NTSR1: variants seen among roughly 807,000 people sequenced by gnomAD.
The protein encoded by NTSR1 is neurotensin receptor 1.
NTSR1 carries 29 observed loss-of-function variants against 31.2 expected under a neutral mutation model. The observed-to-expected ratio is 0.93, with a 90% confidence interval of 0.69 to 1.27. NTSR1 has a LOEUF of 1.27. Among genes scored for constraint, NTSR1 ranks in the 50% most tolerant of loss-of-function variants. The probability of loss-of-function intolerance (pLI) is 0.00; values close to 1 mark genes in which losing one functional copy is unlikely to be tolerated. For synonymous variants in NTSR1, 282 were observed against 269.9 expected, an observed-to-expected ratio of 1.04 and a Z score of -0.44; for missense variants, 697 against 595.4, an observed-to-expected ratio of 1.17 and a Z score of -1.78.
Position 62,711,698 on chromosome 20 carries a change from G to A in NTSR1, c.714+1777G>A, listed in dbSNP as rs989040881. ...AAACAGCCGAAAAGCACAGGGGCGTGAGGACAGCTCGGCTCCGCCCCCCGG... is the reference window on the plus strand; with the variant it reads ...AAACAGCCGAAAAGCACAGGGGCGTAAGGACAGCTCGGCTCCGCCCCCCGG... On this transcript the variant is annotated intron_variant, in intron 1 of 3. Coordinates refer to ENST00000370501, the MANE Select transcript of NTSR1 (RefSeq NM_002531.3). This position sits in a 1 kb window ranked among gnomAD's most constrained non-coding sequence, Gnocchi z 6.4. 6.6e-6 allele frequency among the ~76,000 whole-genome samples: 1 copy of A among 152,126 alleles called. No homozygotes were observed. The highest frequency in any genetic ancestry group is 2.4e-5 in the African/African-American group (1 of 41,424).
chr20:62,741,562 G>A lies in NTSR1; in HGVS notation c.715-13123G>A, dbSNP rs889290884. ...CCACCCCATGTCTGTGCGCCCCTTCGAGCATGCCTGGGCATTGTCCATGGT... is the reference window on the plus strand; with the variant it reads ...CCACCCCATGTCTGTGCGCCCCTTCAAGCATGCCTGGGCATTGTCCATGGT... On this transcript the variant is annotated intron_variant, in intron 1 of 3. Coordinates refer to ENST00000370501, the MANE Select transcript of NTSR1 (RefSeq NM_002531.3). The surrounding 1 kb of genome is among the most constrained non-coding windows in gnomAD (Gnocchi z 4.3). 2.0e-5 allele frequency among the ~76,000 whole-genome samples: 3 copies of A among 149,526 alleles called. No homozygotes were observed. Among genetic ancestry groups the A allele is most frequent in the African/African-American group, 7.5e-5 (3 of 40,044 alleles).
intron 1 of NTSR1, among the ~76,000 whole-genome samples, chr20:62,734,229 C>T (rs1005414198): frequency 5.3e-5 from 8 of 150,372 alleles, no homozygotes; most frequent in Non-Finnish European, 8.9e-5. Flanking sequence ...GCGTGAGGGG[C>T]GGGCGGAGGC....
intron 1 of NTSR1, among the ~76,000 whole-genome samples, chr20:62,725,512 G>A (rs1343881348): frequency 6.6e-6 from 1 of 152,198 alleles, no homozygotes; most frequent in African/African-American, 2.4e-5. Context: ...CTTGCTCCCT[G>A]GGGGATAAGG....
intron 1 of NTSR1, among the ~76,000 whole-genome samples, chr20:62,740,074 G>A (rs777564365): frequency 8.5e-5 from 13 of 152,236 alleles, no homozygotes; most frequent in Non-Finnish European, 1.3e-4. Flanking sequence ...CAGGGCTTGC[G>A]TTTGCAGGTC....
At chr20:62,725,717 A>G (rs1988894921) in intron 1 of NTSR1, among the ~76,000 whole-genome samples, 1 of 152,144 alleles carries the variant, frequency 6.6e-6, no homozygotes. Context: ...CCGCCGCCTC[A>G]GCTCTGAGTG....
At chr20:62,717,099 C>T (rs1988743014) in intron 1 of NTSR1, among the ~76,000 whole-genome samples, 1 of 152,230 alleles carries the variant, frequency 6.6e-6, no homozygotes, top group Non-Finnish European at 1.5e-5. Flanking sequence ...AAGGCGCCTG[C>T]CCCACCCTGG....
intron 2 of NTSR1, chr20:62,756,806 C>T (rs1989521502): frequency 6.6e-6 from 1 of 152,194 alleles, no homozygotes; most frequent in Non-Finnish European, 1.5e-5. Flanking sequence ...GGTGGCATCT[C>T]GTTGTGGTTT....
Position 62,760,395 on chromosome 20 carries a change from G to C in NTSR1, c.*128G>C. ...AGGCCAGCCTGCACTGGAGTCTGAGGCCTGGGACCCCCCCCTCCCACCCCC... is the reference window on the plus strand; with the variant it reads ...AGGCCAGCCTGCACTGGAGTCTGAGCCCTGGGACCCCCCCCTCCCACCCCC... On this transcript the variant is annotated 3_prime_UTR_variant, in exon 4 of 4. Transcript: ENST00000370501. 9.5e-7 allele frequency: 1 copy of C among 1,050,600 alleles called. No individual in the cohort carries two copies. Among genetic ancestry groups the C allele is most frequent in the Admixed American group, 2.8e-5 (1 of 35,288 alleles). The allele number at this position is 1,050,600 out of a possible 1,614,324, so 65.1% of individuals were successfully genotyped here. A position where few individuals can be genotyped will look rare whatever the true frequency, so the allele number is the denominator to read the frequency against.
At chr20:62,730,904 T>C (rs1429628780) in intron 1 of NTSR1, among the ~76,000 whole-genome samples, 1 of 152,248 alleles carries the variant, frequency 6.6e-6, no homozygotes, top group Non-Finnish European at 1.5e-5. Context: ...TCTATTCAGA[T>C]GTTTTGCCCA....
chr20:62,728,328 CCT>C (rs895677942), intron 1 of NTSR1, among the ~76,000 whole-genome samples: 2 of 152,126 alleles, frequency 1.3e-5, no homozygotes, highest in African/African-American at 2.4e-5. Flanking sequence ...TCCATGAAGC[CCT>C]GTTTCCCCAT....
intron 1 of NTSR1, among the ~76,000 whole-genome samples, chr20:62,730,046 A>G (rs565487665): frequency 7.2e-5 from 11 of 152,078 alleles, no homozygotes; most frequent in Non-Finnish European, 1.0e-4. Context: ...TCTCCCTGTT[A>G]TTAACATTTT....
chr20:62,709,088 C>T lies in NTSR1; in HGVS notation c.-120C>T. 2.4e-6 allele frequency: 2 copies of T among 822,702 alleles called. No individual in the cohort carries two copies. The highest frequency in any genetic ancestry group is 5.4e-5 in the South Asian group (2 of 36,840). 51.0% of individuals were successfully genotyped at this position (822,702 alleles called of 1,614,324 possible). On this transcript the variant is annotated 5_prime_UTR_variant, in exon 1 of 4. Coordinates refer to ENST00000370501, the MANE Select transcript of NTSR1 (RefSeq NM_002531.3). ...CCGACTGGACGGCGCGCCCGCTGGT[C>T]TTCGCCACGCGCCCTCCCCTGGGCT...
intron 1 of NTSR1, among the ~76,000 whole-genome samples, chr20:62,753,446 C>T (rs1042225168): frequency 1.3e-5 from 2 of 152,218 alleles, no homozygotes; most frequent in African/African-American, 4.8e-5. Context: ...CAGCCCAGCC[C>T]AGGGAATCCC....
chr20:62,750,800 A>G (rs1181881491), intron 1 of NTSR1, among the ~76,000 whole-genome samples: 2 of 152,030 alleles, frequency 1.3e-5, no homozygotes, highest in African/African-American at 4.8e-5. Context: ...GAGGTGACGG[A>G]TGTTTCATTA....
In NTSR1 at chr20:62,713,077, A is replaced by G. The variant is rs527318280; in HGVS notation, c.714+3156A>G. On this transcript the variant is annotated intron_variant, in intron 1 of 3. Coordinates refer to ENST00000370501, the MANE Select transcript of NTSR1 (RefSeq NM_002531.3). ...CAGTTTTAGAGACCCGCCCCTGACT[A>G]TGGCCACACACGAAAGCAAACCCTC... 2.6e-5 allele frequency among the ~76,000 whole-genome samples: 4 copies of G among 152,248 alleles called. No individual in the cohort carries two copies. The East Asian group carries it at 7.7e-4, about 29-fold the overall frequency.
At position 62,715,615 on chromosome 20, in the gene NTSR1, A is replaced by G. The variant is rs145641022; in HGVS notation, c.714+5694A>G. Among the ~76,000 whole-genome samples the G allele has an allele frequency of 9.2e-3, 1,407 of 152,348 alleles. 21 individuals are homozygous for G. The highest frequency in any genetic ancestry group is 0.032 in the African/African-American group (1,335 of 41,582). On this transcript the variant is annotated intron_variant, in intron 1 of 3. Coordinates refer to ENST00000370501, the MANE Select transcript of NTSR1 (RefSeq NM_002531.3). This position sits in a 1 kb window ranked among gnomAD's most constrained non-coding sequence, Gnocchi z 4.7. The stretch of plus-strand genomic sequence containing the variant: ...CAGGCTCACCTGTTCACAGCTCTGC[A>G]TTGTGACCCGGGGTCAGCTCTCCCG...
chr20:62,738,725 G>C (rs539393655), intron 1 of NTSR1, among the ~76,000 whole-genome samples: 1 of 152,352 alleles, frequency 6.6e-6, no homozygotes, highest in African/African-American at 2.4e-5. Context: ...GCTGGAGGCT[G>C]GGAACACGTC....
In NTSR1 at chr20:62,754,690, C is replaced by T; in HGVS notation, c.720C>T (p.Asn240=). The change falls in exon 2 of 4, where the codon AAC becomes AAT. Residue 240 remains asparagine (N), a synonymous_variant. Coordinates refer to ENST00000370501, the MANE Select transcript of NTSR1 (RefSeq NM_002531.3). The part of the protein sequence containing the change: ...TATVKVVIQV[N]TFMSFIFPMV... The stretch of plus-strand genomic sequence containing the variant: ...TCGCCCTTCCTCTCCTGCAGGTCAA[C>T]ACCTTCATGTCCTTCATATTCCCCA... The T allele has an allele frequency of 6.2e-7, 1 of 1,612,132 alleles. No individual in the cohort carries two copies. The highest frequency in any genetic ancestry group is 1.1e-5 in the South Asian group (1 of 91,074).
At position 62,745,121 on chromosome 20, in the gene NTSR1, C is replaced by T. The variant is rs144397906; in HGVS notation, c.715-9564C>T. On this transcript the variant is annotated intron_variant, in intron 1 of 3. Coordinates refer to ENST00000370501, the MANE Select transcript of NTSR1 (RefSeq NM_002531.3). The surrounding 1 kb of genome is among the most constrained non-coding windows in gnomAD (Gnocchi z 4.1). ...ATGGCCCAGAGCCCAGCTACCCAGCCGGCTCCAGGGAGGGTGGCCCAGCCA... is the reference window on the plus strand; with the variant it reads ...ATGGCCCAGAGCCCAGCTACCCAGCTGGCTCCAGGGAGGGTGGCCCAGCCA... 5.3e-5 allele frequency among the ~76,000 whole-genome samples: 8 copies of T among 152,310 alleles called. No homozygotes were observed. The highest frequency in any genetic ancestry group is 1.9e-4 in the East Asian group (1 of 5,184).
Sources: allele counts gnomAD v4.1 joint callset (sites outside exome capture counted in the v4.1 genomes callset), GRCh38; gene constraint gnomAD v4.1.1; non-coding constraint Gnocchi (gnomAD v3.1); transcripts MANE v1.5; gene names NCBI Gene and HGNC (gene_info 2026-07-23, HGNC 2026-07-21).